Variants in ARRDC5 observed in about 807,000 individuals in gnomAD.
ARRDC5 encodes the protein arrestin domain-containing protein 5.
ARRDC5 carries 12 observed loss-of-function variants against 13.3 expected under a neutral mutation model. The observed-to-expected ratio is 0.90, with a 90% CI of 0.58 to 1.46. The LOEUF (loss-of-function observed/expected upper bound fraction) is 1.46. ARRDC5 is among the 40% of genes most tolerant of loss of function. The pLI is 0.00. For missense variants in ARRDC5, 406 were observed against 418.7 expected, an observed-to-expected ratio of 0.97 and a Z score of 0.26; for synonymous variants, 181 against 173.4, an observed-to-expected ratio of 1.04 and a Z score of -0.34.
Position 4,891,403 on chromosome 19 carries a change from G to A in ARRDC5, c.630C>T (p.Phe210=), listed in dbSNP as rs1240195040. ...QTSKCIKTVV[F]ALYAHIQYEG... ...CGTACTGTATGTGGGCATACAGGGC[G>A]AATACGACCGTCTTGATGCATTTGC... Residue 210 remains phenylalanine, a synonymous_variant, in exon 3 of 3, where the codon TTC becomes TTT. Coordinates refer to ENST00000650722, the MANE Select transcript of ARRDC5 (RefSeq NM_001080523.3). 8 of 1,613,276 alleles carry A rather than the reference G, an allele frequency of 5.0e-6. No homozygotes were observed. Among genetic ancestry groups the A allele is most frequent in the African/African-American group, 2.7e-5 (2 of 75,052 alleles).
At chr19:4,899,008 T>C (rs1216597604) in intron 1 of ARRDC5, among the ~76,000 whole-genome samples, 1 of 151,952 alleles carries the variant, frequency 6.6e-6, no homozygotes, top group Non-Finnish European at 1.5e-5. Context: ...TAAATGTTTA[T>C]TAAATAAATG....
intron 2 of ARRDC5, 28 bp from the exon 3 acceptor site, chr19:4,891,601 C>T (rs1356334211): frequency 1.7e-5 from 27 of 1,583,514 alleles, no homozygotes; most frequent in East Asian, 1.1e-4. Flanking sequence ...AACAGACAAC[C>T]GTGAGGGACC....
At chr19:4,911,161 C>G in the ARRDC5 span, 7 of 947,096 alleles carry the variant, frequency 7.4e-6, no homozygotes, top group Non-Finnish European at 1.5e-6. Flanking sequence ...CCCACTTCAT[C>G]TCTCCCGGAA....
Position 4,890,913 on chromosome 19 carries a change from C to G in ARRDC5, c.*133G>C. On this transcript the variant is annotated 3_prime_UTR_variant, in exon 3 of 3. Transcript: ENST00000650722. ...GGGAGGGGAGACACAGATACCTAAACCGCTAGAGCTTGGGGAGGTTGCAGA... is the reference window on the plus strand; with the variant it reads ...GGGAGGGGAGACACAGATACCTAAAGCGCTAGAGCTTGGGGAGGTTGCAGA... 1.5e-6 allele frequency: 1 copy of G among 688,968 alleles called. No homozygotes were observed. Among genetic ancestry groups the G allele is most frequent in the African/African-American group, 1.8e-5 (1 of 55,396 alleles). 42.7% of individuals were successfully genotyped at this position (688,968 alleles called of 1,614,324 possible). A position where few individuals can be genotyped will look rare whatever the true frequency, so the allele number is the denominator to read the frequency against.
At chr19:4,902,921 C>A, upstream of ARRDC5, 1 of 1,581,894 alleles carries the variant, frequency 6.3e-7, no homozygotes, top group South Asian at 1.1e-5. Context: ...TCTATGACAT[C>A]ACTCAGCTCA....
upstream of ARRDC5, among the ~76,000 whole-genome samples, chr19:4,907,041 C>T (rs939015671): frequency 6.6e-6 from 1 of 152,176 alleles, no homozygotes; most frequent in Non-Finnish European, 1.5e-5. Context: ...ATCTGGACAT[C>T]GTGGATTAGA....
At chr19:4,893,360 G>A (rs972854684) in intron 2 of ARRDC5, among the ~76,000 whole-genome samples, 1 of 146,874 alleles carries the variant, frequency 6.8e-6, no homozygotes, top group African/African-American at 2.5e-5. Context: ...ACAAAAGTTG[G>A]CCGGGTGTGA....
intron 2 of ARRDC5, among the ~76,000 whole-genome samples, chr19:4,893,057 C>T (rs932901916): frequency 6.8e-6 from 1 of 146,432 alleles, no homozygotes; most frequent in Non-Finnish European, 1.5e-5. Context: ...TAGCTGAGAT[C>T]GCGCCACTGC....
chr19:4,914,024 A>G, the ARRDC5 span, among the ~76,000 whole-genome samples: 1 of 151,880 alleles, frequency 6.6e-6, no homozygotes, highest in Non-Finnish European at 1.5e-5. Flanking sequence ...CATGTTGGTC[A>G]GGCTGGTCTC....
chr19:4,913,936 C>T, the ARRDC5 span, among the ~76,000 whole-genome samples: 5 of 151,812 alleles, frequency 3.3e-5, no homozygotes, highest in East Asian at 1.9e-4. Flanking sequence ...CTCAGCCTCC[C>T]GAGTAGCTGG....
At position 4,896,353 on chromosome 19, in the gene ARRDC5, TTTTTTTTTACACACACAC is replaced by T. The variant is rs1568395953; in HGVS notation, c.459+300_459+317del. ...AAATATATATATATATATATATTTT[TTTTTTTTTACACACACAC>T]ACACACACACACACACACACACACA... On this transcript the variant is annotated intron_variant, in intron 2 of 2. Coordinates refer to ENST00000650722, the MANE Select transcript of ARRDC5 (RefSeq NM_001080523.3). 3.4e-4 allele frequency among the ~76,000 whole-genome samples: 29 copies of T among 85,112 alleles called. No homozygotes were observed. In the South Asian group the frequency reaches 4.5e-3, roughly 13 times the overall value. 55.8% of individuals were successfully genotyped at this position (85,112 alleles called of 152,430 possible). A position where few individuals can be genotyped will look rare whatever the true frequency, so the allele number is the denominator to read the frequency against.
rs1407717173 is a variant in ARRDC5 at position 4,896,348 on chromosome 19, A to ATATT, written c.459+322_459+323insAATA. 4.9e-3 allele frequency among the ~76,000 whole-genome samples: 290 copies of ATATT among 59,564 alleles called. 9 individuals carry two copies. The highest frequency in any genetic ancestry group is 0.017 in the African/African-American group (274 of 15,676). 39.1% of individuals were successfully genotyped at this position (59,564 alleles called of 152,430 possible). A position where few individuals can be genotyped will look rare whatever the true frequency, so the allele number is the denominator to read the frequency against. On this transcript the variant is annotated intron_variant, in intron 2 of 2. Coordinates refer to ENST00000650722, the MANE Select transcript of ARRDC5 (RefSeq NM_001080523.3). ...AAAAAAAATATATATATATATATATATTTTTTTTTTTTTACACACACACAC... is the reference window on the plus strand; with the variant it reads ...AAAAAAAATATATATATATATATATATATTTTTTTTTTTTTTTACACACACACAC...
upstream of ARRDC5, chr19:4,903,285 TG>T (rs2031985857): frequency 1.8e-5 from 3 of 169,924 alleles, no homozygotes; most frequent in South Asian, 4.0e-4. Flanking sequence ...CCCAAAGTGC[TG>T]GGATTGCAGG....
At chr19:4,891,717 G>GATT in intron 2 of ARRDC5, 144 bp from the exon 3 acceptor site, 1 of 707,946 alleles carries the variant, frequency 1.4e-6, no homozygotes, top group Non-Finnish European at 2.3e-6. Context: ...AACACCTTGG[G>GATT]AGGCCGAGGC....
chr19:4,890,548 A>G lies in ARRDC5; in HGVS notation c.*498T>C, dbSNP rs2031466723. ...CCTGGGATTACAGGAATGAGCCACCATGCTCAGCCCCCTTGGTACTGTTGA... is the reference window on the plus strand; with the variant it reads ...CCTGGGATTACAGGAATGAGCCACCGTGCTCAGCCCCCTTGGTACTGTTGA... On this transcript the variant is annotated 3_prime_UTR_variant, in exon 3 of 3. Coordinates refer to ENST00000650722, the MANE Select transcript of ARRDC5 (RefSeq NM_001080523.3). 1 of 156,858 alleles carries G rather than the reference A, an allele frequency of 6.4e-6. No homozygotes were observed. Among genetic ancestry groups the G allele is most frequent in the Non-Finnish European group, 1.4e-5 (1 of 71,150 alleles). 9.7% of individuals were successfully genotyped at this position (156,858 alleles called of 1,614,324 possible). A position where few individuals can be genotyped will look rare whatever the true frequency, so the allele number is the denominator to read the frequency against.
the ARRDC5 span, among the ~76,000 whole-genome samples, chr19:4,916,449 C>T: frequency 4.6e-5 from 7 of 152,152 alleles, no homozygotes; most frequent in Non-Finnish European, 2.9e-5. Context: ...CTCCTGAGAC[C>T]GCAAGAGGGA....
Position 4,891,266 on chromosome 19 carries a change from G to C in ARRDC5, c.767C>G (p.Thr256Ser), listed in dbSNP as rs756629300. The change falls in exon 3 of 3, where the codon ACC (threonine) becomes AGC (serine). Residue 256 changes from threonine to serine, a missense_variant. Thr to Ser is a moderately conservative substitution (Grantham distance 58, BLOSUM62 1). Transcript: ENST00000650722. ...GGACAGCAGCAACGGCAGGTTGAAG[G>C]TGCTGACAACCTTGGTGGTGTTGAA... ...TRFNTTKVVSTFNLPLLLSVS... is the reference protein window; with the variant it reads ...TRFNTTKVVSSFNLPLLLSVS... 2.5e-6 allele frequency: 4 copies of C among 1,613,840 alleles called. No individual in the cohort carries two copies. The South Asian group carries it at 4.4e-5, about 18-fold the overall frequency.
intron 2 of ARRDC5, among the ~76,000 whole-genome samples, chr19:4,895,422 C>CAAAA (rs1039157516): frequency 4.6e-3 from 319 of 69,496 alleles, no homozygotes; most frequent in Middle Eastern, 0.011. Flanking sequence ...GACTCCGTCT[C>CAAAA]AAAAAAAAAA....
At chr19:4,900,343 CTT>C (rs2031877335) in intron 1 of ARRDC5, among the ~76,000 whole-genome samples, 2 of 151,358 alleles carry the variant, frequency 1.3e-5, no homozygotes, top group South Asian at 4.2e-4. Flanking sequence ...GTCTTGAACT[CTT>C]GTCCTCTGGT....
Sources: allele counts gnomAD v4.1 joint callset (sites outside exome capture counted in the v4.1 genomes callset), GRCh38; gene constraint gnomAD v4.1.1; transcripts MANE v1.5; gene names NCBI Gene and HGNC (gene_info 2026-07-23, HGNC 2026-07-21).